Variants in C16orf96 observed in about 807,000 individuals in gnomAD.
The protein encoded by C16orf96 is uncharacterized protein C16orf96.
C16orf96 carries 108 observed loss-of-function variants against 103.6 expected under a neutral mutation model. The observed-to-expected ratio is 1.04, with a 90% CI of 0.89 to 1.22. The LOEUF (loss-of-function observed/expected upper bound fraction) is 1.22. C16orf96 is among the 50% of genes most tolerant of loss of function. C16orf96 has a pLI of 0.00. For synonymous variants in C16orf96, 566 were observed against 593.5 expected (o/e 0.95, Z 0.67); for missense variants, 1,586 against 1,464.2 (o/e 1.08, Z -1.36).
At chr16:4,571,430 G>C in intron 1 of C16orf96, 131 bp from the exon 2 acceptor site, 1 of 685,226 alleles carries the variant, frequency 1.5e-6, no homozygotes, top group Non-Finnish European at 2.4e-6. Flanking sequence ...TCCCCTTGTA[G>C]GTTCCAGTCT....
chr16:4,545,656 C>G, the C16orf96 span, among the ~76,000 whole-genome samples: 1 of 152,164 alleles, frequency 6.6e-6, no homozygotes, highest in Non-Finnish European at 1.5e-5. Context: ...GAATTACCCT[C>G]CTCTCCTAGT....
upstream of C16orf96, among the ~76,000 whole-genome samples, chr16:4,552,142 A>T (rs1340802200): frequency 6.6e-6 from 1 of 152,116 alleles, no homozygotes; most frequent in African/African-American, 2.4e-5. Flanking sequence ...CAATGGTTTC[A>T]TACAGCATGA....
upstream of C16orf96, among the ~76,000 whole-genome samples, chr16:4,554,814 C>A (rs2059248006): frequency 6.6e-6 from 1 of 151,266 alleles, no homozygotes; most frequent in Non-Finnish European, 1.5e-5. Context: ...CCATGCCCAG[C>A]TAATTTTTGT....
chr16:4,592,622 A>G lies in C16orf96; in HGVS notation c.2774+255A>G, dbSNP rs539581586. 3.3e-5 allele frequency among the ~76,000 whole-genome samples: 5 copies of G among 152,344 alleles called. No individual in the cohort carries two copies. In the South Asian group the frequency reaches 1.0e-3, roughly 32 times the overall value. The stretch of plus-strand genomic sequence containing the variant: ...CCATGTACACTGTTCTGTATGTGCC[A>G]TGTGTATCCACATTCATATACAGGG... On this transcript the variant is annotated intron_variant, in intron 11 of 15. Coordinates refer to ENST00000444310, the MANE Select transcript of C16orf96 (RefSeq NM_001145011.2).
At chr16:4,544,001 G>A in the C16orf96 span, among the ~76,000 whole-genome samples, 12 of 152,250 alleles carry the variant, frequency 7.9e-5, no homozygotes, top group South Asian at 2.3e-3. Flanking sequence ...ATTTGAGGCA[G>A]GAGGACCCAC....
chr16:4,578,978 G>T lies in C16orf96; in HGVS notation c.2194G>T (p.Asp732Tyr). 2 of 1,551,462 alleles carry T rather than the reference G, an allele frequency of 1.3e-6. No individual in the cohort carries two copies. The highest frequency in any genetic ancestry group is 8.7e-7 in the Non-Finnish European group (1 of 1,146,936). Residue 732 changes from aspartate (D) to tyrosine (Y), a missense_variant, in exon 6 of 16, where the codon GAC becomes TAC. Transcript: ENST00000444310. The part of the protein sequence containing the change: ...GGPSSLGTTV[D>Y]ILQKKIGSLQ... ...TCCTTCCAGCCTCGGGACAACAGTG[G>T]ACATATTGCAGAAAAAGATTGGCAG...
At chr16:4,551,360 T>G (rs998300332), upstream of C16orf96, among the ~76,000 whole-genome samples, 8 of 152,210 alleles carry the variant, frequency 5.3e-5, no homozygotes, top group African/African-American at 1.9e-4. Flanking sequence ...CAGCTCAGCT[T>G]CATGCTTCCT....
At chr16:4,589,928 C>G (rs1363904361) in intron 9 of C16orf96, among the ~76,000 whole-genome samples, 1 of 149,868 alleles carries the variant, frequency 6.7e-6, no homozygotes, top group Non-Finnish European at 1.5e-5. Context: ...TTGAGACCAT[C>G]CTGACCAACA....
upstream of C16orf96, among the ~76,000 whole-genome samples, chr16:4,556,074 G>A (rs773543714): frequency 1.4e-4 from 21 of 152,060 alleles, no homozygotes; most frequent in Non-Finnish European, 2.9e-4. Context: ...CTTCTGCCCG[G>A]ATTCGAGAAA....
intron 9 of C16orf96, among the ~76,000 whole-genome samples, 173 bp from the exon 10 acceptor site, chr16:4,591,493 G>A (rs536781830): frequency 6.6e-6 from 1 of 152,182 alleles, no homozygotes; most frequent in African/African-American, 2.4e-5. Context: ...CATCTAGTAG[G>A]GGTTGAGCCT....
At chr16:4,588,406 C>T (rs1227285094) in intron 9 of C16orf96, 75 bp downstream of exon 9, 123 of 1,465,562 alleles carry the variant, frequency 8.4e-5, no homozygotes, top group Non-Finnish European at 1.1e-4. Context: ...AAACAACAAA[C>T]GTTTTCAGTT....
chr16:4,552,938 T>C (rs917139134), upstream of C16orf96, among the ~76,000 whole-genome samples: 1 of 152,004 alleles, frequency 6.6e-6, no homozygotes, highest in African/African-American at 2.4e-5. Flanking sequence ...CCCATGAGAG[T>C]TGACAGCTCC....
chr16:4,564,494 G>A (rs554175630), intron 1 of C16orf96, among the ~76,000 whole-genome samples: 4 of 152,134 alleles, frequency 2.6e-5, no homozygotes, highest in Non-Finnish European at 5.9e-5. Context: ...TATTGTACAG[G>A]TTAAAATGAT....
At chr16:4,577,671 A>G (rs894032062) in intron 5 of C16orf96, among the ~76,000 whole-genome samples, 1 of 151,500 alleles carries the variant, frequency 6.6e-6, no homozygotes, top group Non-Finnish European at 1.5e-5. Flanking sequence ...AATTTTAAAC[A>G]TTGGCCGTGT....
At chr16:4,570,307 T>C (rs895980800) in intron 1 of C16orf96, among the ~76,000 whole-genome samples, 3 of 152,148 alleles carry the variant, frequency 2.0e-5, no homozygotes, top group Non-Finnish European at 4.4e-5. Context: ...CAACGTGCTT[T>C]TCAGTTACAC....
rs940659890 is a variant in C16orf96, at chr16:4,576,440, G to A, written c.1960G>A (p.Ala654Thr). The A allele has an allele frequency of 1.9e-5, 30 of 1,551,184 alleles. No individual in the cohort carries two copies. In the African/African-American group the frequency reaches 3.0e-4, roughly 16 times the overall value. ...CGAAATCCTCTCTCCCTCCTACTCT[G>A]CTGCCAGCATCGGTCCCGATCCAGC... ...IYEILSPSYS[A>T]ASIGPDPALS... The change falls in exon 5 of 16, where the codon GCT (alanine) becomes ACT (threonine). Residue 654 changes from alanine to threonine, a missense_variant. Coordinates refer to ENST00000444310, the MANE Select transcript of C16orf96 (RefSeq NM_001145011.2).
At chr16:4,569,758 C>G (rs1481248453) in intron 1 of C16orf96, among the ~76,000 whole-genome samples, 1 of 151,940 alleles carries the variant, frequency 6.6e-6, no homozygotes, top group African/African-American at 2.4e-5. Flanking sequence ...CAGTCACTCC[C>G]TACAGGGCAA....
At chr16:4,598,276 A>G (rs544093703) in intron 14 of C16orf96, among the ~76,000 whole-genome samples, 9 of 152,202 alleles carry the variant, frequency 5.9e-5, no homozygotes, top group Non-Finnish European at 1.0e-4. Flanking sequence ...ACTTGAGCCC[A>G]GGAGGTTCCA....
intron 15 of C16orf96, among the ~76,000 whole-genome samples, chr16:4,599,735 G>A (rs1227664628): frequency 6.6e-6 from 1 of 152,236 alleles, no homozygotes; most frequent in African/African-American, 2.4e-5. Context: ...CTGTGAGGCA[G>A]GCACTGTTTG....
Sources: gnomAD v4.1 joint callset for allele counts (sites outside exome capture counted in the v4.1 genomes callset) on GRCh38, gnomAD v4.1.1 for gene constraint, MANE v1.5 for transcripts, NCBI Gene and HGNC (gene_info 2026-07-23, HGNC 2026-07-21) for gene names.